The following TSPOAP1 variants were observed in gnomAD, a reference collection of about 807,000 sequenced individuals.
The protein encoded by TSPOAP1 is TSPO associated protein 1.
In TSPOAP1, 87 loss-of-function variants were observed where a neutral mutation model predicts 197.0. That is an observed-to-expected ratio of 0.44 (90% CI 0.37 to 0.53). TSPOAP1 has a LOEUF of 0.53. TSPOAP1 is among the 20% of genes least tolerant of loss of function. The pLI, the probability that TSPOAP1 is intolerant of heterozygous loss-of-function variation, is 0.00. For missense variants in TSPOAP1, 2,174 were observed against 2,411.3 expected (o/e 0.90, Z 2.06); for synonymous variants, 913 against 998.9 (o/e 0.91, Z 1.62).
chr17:58,307,522 T>C (rs1970936746), intron 24 of TSPOAP1, 89 bp downstream of exon 24: 4 of 1,490,428 alleles, frequency 2.7e-6, no homozygotes, highest in Non-Finnish European at 3.6e-6. Flanking sequence ...TCCACCATGA[T>C]TCTGTGCTAC....
At chr17:58,306,591 T>A (rs1336187363) in intron 25 of TSPOAP1, 178 bp from the exon 26 acceptor site, 1 of 894,920 alleles carries the variant, frequency 1.1e-6, no homozygotes, top group East Asian at 2.7e-5. Flanking sequence ...CCTGGCTGCA[T>A]GGCTGTATTC....
At position 58,327,698 on chromosome 17, in the gene TSPOAP1, T is replaced by G. The variant is rs201273581; in HGVS notation, c.223A>C (p.Thr75Pro). ...GDGSSRPVGG[T>P]DPEGAEACLP... ...CAAGCCTCTGCTCCTTCAGGGTCAG[T>G]TCCCCCCACGGGCCTGGAGCTCCCG... Residue 75 changes from threonine (T) to proline (P), a missense_variant, in exon 1 of 32, where the codon ACT becomes CCT. Physicochemically the swap from Thr to Pro is conservative, Grantham distance 38. Transcript: ENST00000343736. 1.2e-6 allele frequency: 2 copies of G among 1,614,006 alleles called. No individual in the cohort carries two copies. The highest frequency in any genetic ancestry group is 4.5e-5 in the East Asian group (2 of 44,884).
chr17:58,304,464 AC>A lies in TSPOAP1; in HGVS notation c.5545-66del. 7.0e-7 allele frequency: 1 copy of A among 1,420,964 alleles called. No individual in the cohort carries two copies. The highest frequency in any genetic ancestry group is 1.0e-6 in the Non-Finnish European group (1 of 1,004,618). 88.0% of individuals were successfully genotyped at this position (1,420,964 alleles called of 1,614,324 possible). ...AGACCCGCACCTTCTCCGCCCGGCC[AC>A]CAGGTGGCCCTGCGCAGGGGTGGGC... On this transcript the variant is annotated intron_variant, in intron 30 of 31. Transcript: ENST00000343736. The surrounding 1 kb of genome is among the most constrained non-coding windows in gnomAD (Gnocchi z 4.2).
chr17:58,327,177 G>A (rs958221286), intron 1 of TSPOAP1, among the ~76,000 whole-genome samples: 1 of 151,438 alleles, frequency 6.6e-6, no homozygotes, highest in Non-Finnish European at 1.5e-5. Context: ...CCTCAGCCCA[G>A]CACCAAGCCC....
At position 58,312,438 on chromosome 17, in the gene TSPOAP1, G is replaced by T. The variant is rs766719855; in HGVS notation, c.2383C>A (p.Arg795Ser). ...AGCTGCTTGAGGACCACCAGACGGC[G>T]GGGGTAAGGCACGGCAGGAGGCTCG... ...LGEPPAVPYP[R>S]RLVVLKQLAH... The change falls in exon 17 of 32, where the codon CGC becomes AGC. Residue 795 changes from arginine (R) to serine (S), a missense_variant. Around this residue, in one of 5 missense-constraint regions of TSPOAP1, gnomAD observed 1,933 missense variants for 2,139.0 expected, o/e 0.90. Coordinates refer to ENST00000343736, the MANE Select transcript of TSPOAP1 (RefSeq NM_004758.4). 2 of 1,612,902 alleles carry T rather than the reference G, an allele frequency of 1.2e-6. No homozygotes were observed. The highest frequency in any genetic ancestry group is 1.7e-6 in the Non-Finnish European group (2 of 1,179,782).
intron 20 of TSPOAP1, 87 bp downstream of exon 20, chr17:58,310,423 CAG>C (rs1435458266): frequency 1.9e-6 from 3 of 1,554,868 alleles, no homozygotes; most frequent in Non-Finnish European, 2.6e-6. Context: ...AGAGGACAGG[CAG>C]AGAGGGCAAC....
Position 58,319,213 on chromosome 17 carries a change from G to T in TSPOAP1, c.1576C>A (p.Arg526Ser). The change falls in exon 13 of 32, where the codon CGC (arginine) becomes AGC (serine). Residue 526 changes from arginine (R) to serine (S), a missense_variant. Around this residue, in one of 5 missense-constraint regions of TSPOAP1, gnomAD observed 1,933 missense variants for 2,139.0 expected, o/e 0.90. Coordinates refer to ENST00000343736, the MANE Select transcript of TSPOAP1 (RefSeq NM_004758.4). ...AGATCCAAGGGGCCCGGGTGCAGGCGGAAAGCCTGGAGTTCCTGTGCCAGG... is the reference window on the plus strand; with the variant it reads ...AGATCCAAGGGGCCCGGGTGCAGGCTGAAAGCCTGGAGTTCCTGTGCCAGG... The part of the protein sequence containing the change: ...SLLAQELQAF[R>S]LHPGPLDLLT... 1 of 1,595,784 alleles carries T rather than the reference G, an allele frequency of 6.3e-7. No homozygotes were observed. The highest frequency in any genetic ancestry group is 1.1e-5 in the South Asian group (1 of 87,948).
chr17:58,315,790 C>A (rs1481494030), intron 16 of TSPOAP1, among the ~76,000 whole-genome samples: 1 of 152,112 alleles, frequency 6.6e-6, no homozygotes, highest in Non-Finnish European at 1.5e-5. Flanking sequence ...CTGCTTGGAG[C>A]CAGACTCCCT....
At position 58,304,945 on chromosome 17, in the gene TSPOAP1, G is replaced by A. The variant is rs955841097; in HGVS notation, c.5544+116C>T. On this transcript the variant is annotated intron_variant, in intron 30 of 31. Coordinates refer to ENST00000343736, the MANE Select transcript of TSPOAP1 (RefSeq NM_004758.4). The surrounding 1 kb of genome is among the most constrained non-coding windows in gnomAD (Gnocchi z 4.2). ...AATTAGCGGCTGCACGCTGGACACA[G>A]TGCTTACCTGCATGACCACCCCAGC... is the stretch of plus-strand genomic sequence containing the variant. 5 of 798,594 alleles carry A rather than the reference G, an allele frequency of 6.3e-6. No homozygotes were observed. Among genetic ancestry groups the A allele is most frequent in the African/African-American group, 5.1e-5 (3 of 59,178 alleles). The allele number at this position is 798,594 out of a possible 1,614,324, so 49.5% of individuals were successfully genotyped here.
At chr17:58,320,617 G>C (rs1259236022) in intron 10 of TSPOAP1, 36 bp from the exon 11 acceptor site, 3 of 1,392,538 alleles carry the variant, frequency 2.2e-6, no homozygotes, top group Non-Finnish European at 2.8e-6. Flanking sequence ...TGGAGGGAAG[G>C]AGAAGGAATG....
chr17:58,322,259 G>T lies in TSPOAP1; in HGVS notation c.1422+49C>A, dbSNP rs572378937. The T allele has an allele frequency of 2.6e-6, 4 of 1,557,798 alleles. No homozygotes were observed. The Admixed American group carries it at 6.7e-5, about 26-fold the overall frequency. ...TAAATGCTTGTGGAATGAGTGAGTG[G>T]CAAAGCTGGTGTCCAGCAGCCTGCC... On this transcript the variant is annotated intron_variant, in intron 10 of 31. Transcript: ENST00000343736. The surrounding 1 kb of genome is among the most constrained non-coding windows in gnomAD (Gnocchi z 5.0).
chr17:58,307,774 G>A lies in TSPOAP1; in HGVS notation c.4832-12C>T, dbSNP rs762543331. Reference sequence around the variant, plus strand: ...GCTCCTCGCAGGGACTGTGGAGACAGTGGAGAGGGCGGTGACGCAGCGAGC... The same window carrying A: ...GCTCCTCGCAGGGACTGTGGAGACAATGGAGAGGGCGGTGACGCAGCGAGC... On this transcript the variant is annotated splice_polypyrimidine_tract_variant and intron_variant, in intron 23 of 31. Coordinates refer to ENST00000343736, the MANE Select transcript of TSPOAP1 (RefSeq NM_004758.4). The A allele has an allele frequency of 4.6e-5, 74 of 1,613,938 alleles. No individual in the cohort carries two copies. The highest frequency in any genetic ancestry group is 7.7e-5 in the South Asian group (7 of 91,092).
chr17:58,319,634 C>T (rs951846461), intron 12 of TSPOAP1, among the ~76,000 whole-genome samples: 3 of 152,364 alleles, frequency 2.0e-5, no homozygotes, highest in Non-Finnish European at 2.9e-5. Context: ...ATCATCACCA[C>T]CATCACCGCA....
rs1167385243 is a variant in TSPOAP1, at chr17:58,326,828, C to T, written c.334-38G>A. 3 of 1,550,502 alleles carry T rather than the reference C, an allele frequency of 1.9e-6. No homozygotes were observed. Among genetic ancestry groups the T allele is most frequent in the African/African-American group, 2.7e-5 (2 of 73,438 alleles). ...AGGACCGAGGACAGCACCTCAGAAACCCACGTCACCCAGCCAGAGCCTTCC... is the reference window on the plus strand; with the variant it reads ...AGGACCGAGGACAGCACCTCAGAAATCCACGTCACCCAGCCAGAGCCTTCC... On this transcript the variant is annotated intron_variant, in intron 1 of 31. Transcript: ENST00000343736. The surrounding 1 kb of genome is among the most constrained non-coding windows in gnomAD (Gnocchi z 4.7).
rs375125661 is a variant in TSPOAP1, at chr17:58,312,447, G to A, written c.2374C>T (p.Pro792Ser). The A allele has an allele frequency of 1.2e-6, 2 of 1,612,658 alleles. No homozygotes were observed. The highest frequency in any genetic ancestry group is 1.3e-5 in the African/African-American group (1 of 74,934). The change falls in exon 17 of 32, where the codon CCT (proline) becomes TCT (serine). Residue 792 changes from proline to serine, a missense_variant. Coordinates refer to ENST00000343736, the MANE Select transcript of TSPOAP1 (RefSeq NM_004758.4). The part of the protein sequence containing the change: ...PEGLGEPPAV[P>S]YPRRLVVLKQ... ...AGGACCACCAGACGGCGGGGGTAAG[G>A]CACGGCAGGAGGCTCGCCCAGGCCC... is the stretch of plus-strand genomic sequence containing the variant.
Position 58,312,532 on chromosome 17 carries a change from G to C in TSPOAP1, c.2289C>G (p.Ser763Arg), listed in dbSNP as rs1971106478. The change falls in exon 17 of 32, where the codon AGC becomes AGG. Residue 763 changes from serine (S) to arginine (R), a missense_variant. Around this residue, in one of 5 missense-constraint regions of TSPOAP1, gnomAD observed 1,933 missense variants for 2,139.0 expected, o/e 0.90. Coordinates refer to ENST00000343736, the MANE Select transcript of TSPOAP1 (RefSeq NM_004758.4). ...CATCCTCCTCCTCAGGTCTGGGCTG[G>C]CTCCTTCCCACACTGCTTTGGCCCC... is the stretch of plus-strand genomic sequence containing the variant. ...SSGGQSSVGR[S>R]QPRPEEEDAG... The C allele has an allele frequency of 5.6e-6, 9 of 1,603,310 alleles. No homozygotes were observed. The highest frequency in any genetic ancestry group is 7.7e-6 in the Non-Finnish European group (9 of 1,174,740).
At chr17:58,305,483 C>T in intron 28 of TSPOAP1, 25 bp from the exon 29 acceptor site, 1 of 1,613,566 alleles carries the variant, frequency 6.2e-7, no homozygotes. Context: ...AGGAGGGCAT[C>T]AGGCCCAGGA....
Position 58,304,544 on chromosome 17 carries a change from G to A in TSPOAP1, c.5545-145C>T. Reference sequence around the variant, plus strand: ...CATGGAAGCCCTGAGTTTTCTGGCTGGGGCTTGGCCTCTTCACCCTCTCTC... The same window carrying A: ...CATGGAAGCCCTGAGTTTTCTGGCTAGGGCTTGGCCTCTTCACCCTCTCTC... On this transcript the variant is annotated intron_variant, in intron 30 of 31. Transcript: ENST00000343736. The surrounding 1 kb of genome is among the most constrained non-coding windows in gnomAD (Gnocchi z 4.2). The A allele has an allele frequency of 1.4e-6, 1 of 696,510 alleles. No individual in the cohort carries two copies. The highest frequency in any genetic ancestry group is 2.6e-6 in the Non-Finnish European group (1 of 381,996). 43.1% of individuals were successfully genotyped at this position (696,510 alleles called of 1,614,324 possible). A position where few individuals can be genotyped will look rare whatever the true frequency, so the allele number is the denominator to read the frequency against.
intron 10 of TSPOAP1, among the ~76,000 whole-genome samples, chr17:58,321,283 G>A (rs529173784): frequency 1.6e-4 from 24 of 150,742 alleles, no homozygotes; most frequent in African/African-American, 2.2e-4. Flanking sequence ...GGAATCCCAC[G>A]GGGATCCTTG....
Sources: allele counts gnomAD v4.1 joint callset (sites outside exome capture counted in the v4.1 genomes callset), GRCh38; gene constraint gnomAD v4.1.1; regional missense constraint gnomAD v4.1.1; non-coding constraint Gnocchi (gnomAD v3.1); transcripts MANE v1.5; gene names NCBI Gene and HGNC (gene_info 2026-07-23, HGNC 2026-07-21).